Variants in PER2 observed in about 807,000 individuals in gnomAD.
PER2 encodes the protein period circadian protein homolog 2.
A neutral mutation model predicts 121.0 loss-of-function variants in PER2; 66 were observed. The ratio of observed to expected loss-of-function variants is 0.55; its 90% CI spans 0.45 to 0.67. PER2 has a LOEUF of 0.67. PER2 is among the 30% of genes least tolerant of loss of function. The pLI is 0.00. For synonymous variants in PER2, 684 were observed against 659.9 expected, an observed-to-expected ratio of 1.04 and a Z score of -0.56; for missense variants, 1,521 against 1,635.0, an observed-to-expected ratio of 0.93 and a Z score of 1.20.
At chr2:238,285,642 G>A (rs1371184582) in intron 1 of PER2, among the ~76,000 whole-genome samples, 1 of 146,332 alleles carries the variant, frequency 6.8e-6, no homozygotes, top group African/African-American at 2.5e-5. Context: ...ACAGCTTGAT[G>A]TATATCCACA....
chr2:238,277,903 T>G lies in PER2; in HGVS notation c.34A>C (p.Ser12Arg), dbSNP rs766338346. The G allele has an allele frequency of 6.2e-7, 1 of 1,613,992 alleles. No individual in the cohort carries two copies. ...TCCACGGGCTCCTTGGTGGGGTTACTGGGGCTGGGCGGAAATTCCGCGTAT... is the reference window on the plus strand; with the variant it reads ...TCCACGGGCTCCTTGGTGGGGTTACGGGGGCTGGGCGGAAATTCCGCGTAT... ...NGYAEFPPSP[S>R]NPTKEPVEPQ... The change falls in exon 2 of 23, where the codon AGT (serine) becomes CGT (arginine). Residue 12 changes from serine (S) to arginine (R), a missense_variant. Transcript: ENST00000254657.
chr2:238,275,735 C>A lies in PER2; in HGVS notation c.448+8G>T, dbSNP rs371393597. On this transcript the variant is annotated splice_region_variant and intron_variant, in intron 4 of 22. Coordinates refer to ENST00000254657, the MANE Select transcript of PER2 (RefSeq NM_022817.3). ...TAGGTTTGGAGCAGATGTGCGAGGC[C>A]GACGTACCTTTCACCTGCTTCACGC... 1.1e-4 allele frequency: 179 copies of A among 1,613,374 alleles called. No homozygotes were observed. The African/African-American group carries it at 2.0e-3, about 18-fold the overall frequency.
chr2:238,275,821 CAGGGAGGTGG>C lies in PER2; in HGVS notation c.360_369del (p.His121GlnfsTer15). 6.2e-7 allele frequency: 1 copy of C among 1,614,144 alleles called. No individual in the cohort carries two copies. The highest frequency in any genetic ancestry group is 8.5e-7 in the Non-Finnish European group (1 of 1,179,920). ...GCCTTGCCCTTGGCCTTCTTGTCTG[CAGGGAGGTGG>C]ACCTTCAGCTCCTTTAGTGTTTTTA... On this transcript the variant is annotated frameshift_variant, in exon 4 of 23. Transcript: ENST00000254657. LOFTEE classifies it high-confidence loss of function.
chr2:238,270,511 G>A (rs1287535223), intron 6 of PER2, among the ~76,000 whole-genome samples: 4 of 152,222 alleles, frequency 2.6e-5, no homozygotes, highest in South Asian at 4.2e-4. Context: ...GGCTAGTTAC[G>A]GAAAATGATA....
At position 238,268,968 on chromosome 2, in the gene PER2, A is replaced by T; in HGVS notation, c.779T>A (p.Phe260Tyr). ...TTTCTCCTCCATGCATTCTTGAGTA[A>T]AAGAATCTAAAAGAGAGAGCCCAAA... ...LWSMCSGADS[F>Y]TQECMEEKSF... is the part of the protein sequence containing the mutation. Residue 260 changes from phenylalanine (F) to tyrosine (Y), a missense_variant, in exon 7 of 23, where the codon TTT becomes TAT. By Grantham distance (22) the Phe-to-Tyr change is conservative. Coordinates refer to ENST00000254657, the MANE Select transcript of PER2 (RefSeq NM_022817.3). The surrounding 1 kb of genome is among the most constrained non-coding windows in gnomAD (Gnocchi z 4.0). The T allele has an allele frequency of 6.2e-7, 1 of 1,609,950 alleles. No homozygotes were observed. Among genetic ancestry groups the T allele is most frequent in the Non-Finnish European group, 8.5e-7 (1 of 1,176,170 alleles).
Position 238,277,929 on chromosome 2 carries a change from C to G in PER2, c.8G>C (p.Gly3Ala). The stretch of plus-strand genomic sequence containing the variant: ...GGGGCTGGGCGGAAATTCCGCGTAT[C>G]CATTCATGCTGGGCTCTGGAACGAA... MN[G>A]YAEFPPSPSN... The change falls in exon 2 of 23, where the codon GGA (glycine) becomes GCA (alanine). Residue 3 changes from glycine to alanine, a missense_variant. Gly to Ala is a moderately conservative substitution (Grantham distance 60). Transcript: ENST00000254657. 6.2e-7 allele frequency: 1 copy of G among 1,613,572 alleles called. No individual in the cohort carries two copies. The highest frequency in any genetic ancestry group is 8.5e-7 in the Non-Finnish European group (1 of 1,179,982).
chr2:238,288,813 G>C (rs376224316), upstream of PER2, among the ~76,000 whole-genome samples: 22 of 151,906 alleles, frequency 1.4e-4, no homozygotes, highest in East Asian at 3.5e-3. Flanking sequence ...ACGTGACCGC[G>C]CGCGCCGCGC....
Position 238,253,013 on chromosome 2 carries a change from T to A in PER2, c.3010A>T (p.Thr1004Ser). The change falls in exon 19 of 23, where the codon ACT becomes TCT. Residue 1004 changes from threonine (T) to serine (S), a missense_variant. Physicochemically the swap from Thr to Ser is moderately conservative, Grantham distance 58 (BLOSUM62 1). Coordinates refer to ENST00000254657, the MANE Select transcript of PER2 (RefSeq NM_022817.3). This position sits in a 1 kb window ranked among gnomAD's most constrained non-coding sequence, Gnocchi z 5.6. ...GCCCCTGTGGTCCCCATGGCTCCAG[T>A]GCCACCCTCAGGGGCTTCCTCCAGC... The part of the protein sequence containing the change: ...LQLEEAPEGG[T>S]GAMGTTGATE... 1 of 1,613,928 alleles carries A rather than the reference T, an allele frequency of 6.2e-7. No individual in the cohort carries two copies. The highest frequency in any genetic ancestry group is 8.5e-7 in the Non-Finnish European group (1 of 1,180,010).
At chr2:238,296,612 G>C in the PER2 span, among the ~76,000 whole-genome samples, 8 of 67,440 alleles carry the variant, frequency 1.2e-4, 4 homozygotes, top group Admixed American at 3.2e-4. Flanking sequence ...TGCAGAGTCA[G>C]TCGTGTGCCC....
chr2:238,271,900 A>G (rs1696301697), intron 5 of PER2, among the ~76,000 whole-genome samples: 2 of 151,778 alleles, frequency 1.3e-5, no homozygotes, highest in Admixed American at 1.3e-4. Flanking sequence ...TGCCTGCCCC[A>G]AGATAACCTC....
chr2:238,265,902 C>T (rs1046058482), intron 8 of PER2, among the ~76,000 whole-genome samples: 20 of 150,738 alleles, frequency 1.3e-4, no homozygotes, highest in African/African-American at 4.4e-4. Context: ...GCCATCTTTA[C>T]GATTTTTTTT....
intron 5 of PER2, 58 bp from the exon 6 acceptor site, chr2:238,271,571 C>T (rs1381835898): frequency 5.9e-6 from 8 of 1,360,770 alleles, no homozygotes; most frequent in South Asian, 1.2e-5. Context: ...ACGCCACATC[C>T]GACTCAGGCA....
At chr2:238,249,533 G>A (rs922620014) in intron 21 of PER2, among the ~76,000 whole-genome samples, 1 of 152,212 alleles carries the variant, frequency 6.6e-6, no homozygotes. Context: ...CCAGCAGGAC[G>A]GCATTCCCCT....
chr2:238,250,565 G>A lies in PER2; in HGVS notation c.3453C>T (p.Tyr1151=), dbSNP rs1399171940. ...TGGGTGGTTACCGGGAAGGCAGCTGGTACGTCATCATGACGCTGCTGTCCG... is the reference window on the plus strand; with the variant it reads ...TGGGTGGTTACCGGGAAGGCAGCTGATACGTCATCATGACGCTGCTGTCCG... ...ADADSSVMMT[Y]QLPSRNLEAV... is the part of the protein sequence containing the mutation. The change falls in exon 21 of 23, where the codon TAC becomes TAT. Residue 1151 remains tyrosine, a synonymous_variant. Coordinates refer to ENST00000254657, the MANE Select transcript of PER2 (RefSeq NM_022817.3). 1 of 1,612,378 alleles carries A rather than the reference G, an allele frequency of 6.2e-7. No individual in the cohort carries two copies. Among genetic ancestry groups the A allele is most frequent in the Non-Finnish European group, 8.5e-7 (1 of 1,179,184 alleles).
upstream of PER2, among the ~76,000 whole-genome samples, chr2:238,290,921 A>G (rs930588936): frequency 4.6e-4 from 70 of 152,222 alleles, no homozygotes; most frequent in African/African-American, 1.6e-3. Context: ...ATGAGCTCCT[A>G]CAATCAGGCC....
In PER2 at chr2:238,252,503, C is replaced by T. The variant is rs1245398706; in HGVS notation, c.3111+409G>A. Among the ~76,000 whole-genome samples the T allele has an allele frequency of 1.3e-5, 2 of 152,246 alleles. No homozygotes were observed. Among genetic ancestry groups the T allele is most frequent in the Non-Finnish European group, 2.9e-5 (2 of 68,048 alleles). On this transcript the variant is annotated intron_variant, in intron 19 of 22. Coordinates refer to ENST00000254657, the MANE Select transcript of PER2 (RefSeq NM_022817.3). The surrounding 1 kb of genome is among the most constrained non-coding windows in gnomAD (Gnocchi z 4.2). ...GGTCACGCTGGTTTTAGGGCTGTGTCCCCCTCCTTCTCCGCCTTCACCGGG... is the reference window on the plus strand; with the variant it reads ...GGTCACGCTGGTTTTAGGGCTGTGTTCCCCTCCTTCTCCGCCTTCACCGGG...
At chr2:238,267,937 G>T in intron 8 of PER2, 119 bp downstream of exon 8, 1 of 1,143,472 alleles carries the variant, frequency 8.7e-7, no homozygotes. Flanking sequence ...GAGGTGGAGA[G>T]GCCAAGGCTG....
chr2:238,256,874 A>G, intron 17 of PER2, 48 bp downstream of exon 17: 1 of 1,582,594 alleles, frequency 6.3e-7, no homozygotes, highest in South Asian at 1.1e-5. Flanking sequence ...TCTTGTTTTC[A>G]TGGTTAAAAA....
chr2:238,265,769 G>C lies in PER2; in HGVS notation c.968-179C>G, dbSNP rs145710139. Reference sequence around the variant, plus strand: ...ACTGAGAACCTTATGCTGGTTGTGGGATCGTTGGCCAGCCTTCTTAGCTTC... The same window carrying C: ...ACTGAGAACCTTATGCTGGTTGTGGCATCGTTGGCCAGCCTTCTTAGCTTC... On this transcript the variant is annotated intron_variant, in intron 8 of 22. Transcript: ENST00000254657. Among the ~76,000 whole-genome samples the C allele has an allele frequency of 1.1e-4, 16 of 152,320 alleles. 1 individual carries two copies. The highest frequency in any genetic ancestry group is 7.8e-4 in the Admixed American group (12 of 15,298).
Sources: allele counts gnomAD v4.1 joint callset (sites outside exome capture counted in the v4.1 genomes callset), GRCh38; gene constraint gnomAD v4.1.1; non-coding constraint Gnocchi (gnomAD v3.1); transcripts MANE v1.5; gene names NCBI Gene and HGNC (gene_info 2026-07-23, HGNC 2026-07-21).